The following BORCS5 variants were observed in gnomAD, a reference collection of about 807,000 sequenced individuals.
BORCS5 encodes BLOC-1-related complex subunit 5.
A neutral mutation model predicts 22.1 loss-of-function variants in BORCS5; 17 were observed. The ratio of observed to expected loss-of-function variants is 0.77; its 90% CI spans 0.53 to 1.15. The LOEUF (loss-of-function observed/expected upper bound fraction) is 1.15, where lower values mean the gene tolerates loss of function less well. Among genes scored for constraint, BORCS5 ranks in the 50% most tolerant of loss-of-function variants. The pLI is 0.00. For missense variants in BORCS5, 247 were observed against 253.2 expected (o/e 0.98, Z 0.17); for synonymous variants, 117 against 99.8 (o/e 1.17, Z -1.03).
Position 12,357,281 on chromosome 12 carries a change from G to T in BORCS5, c.-171G>T. The T allele has an allele frequency of 6.9e-7, 1 of 1,455,216 alleles. No individual in the cohort carries two copies. Among genetic ancestry groups the T allele is most frequent in the Non-Finnish European group, 9.1e-7 (1 of 1,104,628 alleles). 90.1% of individuals were successfully genotyped at this position (1,455,216 alleles called of 1,614,324 possible). On this transcript the variant is annotated 5_prime_UTR_variant, in exon 1 of 4. Transcript: ENST00000314565. ...AAATAGGGCCTCTCCTTCTCCCGCC[G>T]CCCAGGCCCCTGCGTGGGCTGGACG...
intron 2 of BORCS5, among the ~76,000 whole-genome samples, chr12:12,377,296 G>A (rs973130213): frequency 2.6e-5 from 4 of 151,038 alleles, no homozygotes; most frequent in African/African-American, 4.9e-5. Flanking sequence ...CTTCTGCCTC[G>A]GCCTCCCGAG....
At chr12:12,392,226 G>A (rs61923568) in intron 2 of BORCS5, among the ~76,000 whole-genome samples, 1 of 151,766 alleles carries the variant, frequency 6.6e-6, no homozygotes, top group Non-Finnish European at 1.5e-5. Flanking sequence ...CTGAGGTAGA[G>A]GTATTAGTGT....
At chr12:12,374,444 A>G (rs79034795) in intron 2 of BORCS5, among the ~76,000 whole-genome samples, 1 of 150,516 alleles carries the variant, frequency 6.6e-6, no homozygotes, top group Non-Finnish European at 1.5e-5. Flanking sequence ...ACCAGCCTGA[A>G]CAACATGGTG....
At chr12:12,406,358 T>C (rs1235904796) in intron 2 of BORCS5, among the ~76,000 whole-genome samples, 1 of 152,262 alleles carries the variant, frequency 6.6e-6, no homozygotes, top group Non-Finnish European at 1.5e-5. Context: ...TTATCTGCTA[T>C]AAGTATTGCC....
chr12:12,383,245 G>A (rs1863812790), intron 2 of BORCS5, among the ~76,000 whole-genome samples: 2 of 151,058 alleles, frequency 1.3e-5, no homozygotes, highest in Admixed American at 1.3e-4. Context: ...CTTAATTCTG[G>A]TAAAATATAT....
At chr12:12,395,435 A>ATTTTTTTTTTTTTTTTT (rs59277387) in intron 2 of BORCS5, among the ~76,000 whole-genome samples, 4 of 107,858 alleles carry the variant, frequency 3.7e-5, no homozygotes, top group Non-Finnish European at 7.2e-5. Context: ...CACCCAGCTA[A>ATTTTTTTTTTTTTTTTT]TTTTTTTTTT....
At chr12:12,357,767 C>T (rs553294090) in intron 1 of BORCS5, among the ~76,000 whole-genome samples, 1 of 152,236 alleles carries the variant, frequency 6.6e-6, no homozygotes, top group Admixed American at 6.5e-5. Context: ...CAGCTACAGC[C>T]TCCTGTTTAA....
chr12:12,436,000 A>G (rs1385323965), intron 3 of BORCS5: 1 of 462,994 alleles, frequency 2.2e-6, no homozygotes, highest in East Asian at 3.9e-5. Context: ...CAAGTTGCTT[A>G]ACTTCTCTGT....
chr12:12,362,114 C>T (rs1863299603), intron 2 of BORCS5, among the ~76,000 whole-genome samples: 1 of 152,214 alleles, frequency 6.6e-6, no homozygotes, highest in Admixed American at 6.5e-5. Context: ...AAACATCTTA[C>T]ATTTACATAG....
At chr12:12,358,166 A>G (rs1447802289) in intron 1 of BORCS5, among the ~76,000 whole-genome samples, 2 of 152,224 alleles carry the variant, frequency 1.3e-5, no homozygotes, top group African/African-American at 4.8e-5. Context: ...AAAGCAGCTG[A>G]TGTTTAATTG....
chr12:12,438,899 C>T (rs1942622393), intron 3 of BORCS5, among the ~76,000 whole-genome samples: 1 of 152,118 alleles, frequency 6.6e-6, no homozygotes. Context: ...AGGAAAGTCA[C>T]AGAAATAATT....
intron 2 of BORCS5, among the ~76,000 whole-genome samples, chr12:12,410,839 C>T (rs571411981): frequency 1.7e-4 from 26 of 152,202 alleles, no homozygotes; most frequent in Middle Eastern, 3.4e-3. Context: ...TTTCATGATA[C>T]TGATTCTTCC....
At chr12:12,461,556 T>G (rs1943105567) in intron 3 of BORCS5, among the ~76,000 whole-genome samples, 1 of 152,168 alleles carries the variant, frequency 6.6e-6, no homozygotes, top group African/African-American at 2.4e-5. Flanking sequence ...AATGAAAGTT[T>G]ATTCATCTCT....
At chr12:12,406,530 A>G (rs1196011035) in intron 2 of BORCS5, among the ~76,000 whole-genome samples, 3 of 152,326 alleles carry the variant, frequency 2.0e-5, no homozygotes, top group East Asian at 1.9e-4. Context: ...AAGTCCTGGC[A>G]TTAGTATTTC....
intron 3 of BORCS5, among the ~76,000 whole-genome samples, chr12:12,450,072 T>C (rs1300125745): frequency 4.6e-5 from 7 of 152,378 alleles, no homozygotes; most frequent in Middle Eastern, 6.8e-3. Context: ...CACACAGTTA[T>C]AATTCATTGG....
intron 2 of BORCS5, among the ~76,000 whole-genome samples, chr12:12,381,816 T>G (rs565544541): frequency 6.6e-6 from 1 of 151,622 alleles, no homozygotes; most frequent in South Asian, 2.1e-4. Flanking sequence ...TTTTTTGAGT[T>G]TTGTATATTC....
intron 2 of BORCS5, among the ~76,000 whole-genome samples, chr12:12,434,376 G>T (rs1253353800): frequency 6.6e-6 from 1 of 151,678 alleles, no homozygotes; most frequent in East Asian, 1.9e-4. Context: ...CATTGGCTCT[G>T]CTGTGAGACA....
At chr12:12,465,477 TG>T in intron 3 of BORCS5, 68 bp from the exon 4 acceptor site, 1 of 1,364,108 alleles carries the variant, frequency 7.3e-7, no homozygotes, top group Non-Finnish European at 1.0e-6. Flanking sequence ...CCTCACAGGC[TG>T]GACACCCGGC....
chr12:12,425,514 A>G (rs78309660), intron 2 of BORCS5, among the ~76,000 whole-genome samples: 1 of 152,114 alleles, frequency 6.6e-6, no homozygotes, highest in Admixed American at 6.5e-5. Context: ...AACACTTGTT[A>G]TTTTCCATTG....
Sources: gnomAD v4.1 joint callset for allele counts (sites outside exome capture counted in the v4.1 genomes callset) on GRCh38, gnomAD v4.1.1 for gene constraint, MANE v1.5 for transcripts, NCBI Gene and HGNC (gene_info 2026-07-23, HGNC 2026-07-21) for gene names.